Variants in FMN1 observed in about 807,000 individuals in gnomAD.
FMN1 encodes the protein formin 1, also known as formin-1.
Under a neutral mutation model 132.4 loss-of-function variants are expected in FMN1, and 110 were observed. That is an observed-to-expected ratio of 0.83 (90% CI 0.71 to 0.97). FMN1 has a LOEUF of 0.97. FMN1 is among the 50% of genes least tolerant of loss of function. The pLI is 0.00. For missense variants in FMN1, 1,792 were observed against 1,705.3 expected (o/e 1.05, Z -0.90); for synonymous variants, 722 against 651.7 (o/e 1.11, Z -1.64).
intron 17 of FMN1, among the ~76,000 whole-genome samples, chr15:32,854,679 G>A (rs1263617439): frequency 1.3e-5 from 2 of 152,104 alleles, no homozygotes; most frequent in Non-Finnish European, 2.9e-5. Context: ...TTGGGAGGCC[G>A]AGGCGGGTGG....
chr15:32,901,821 G>C, intron 13 of FMN1, 90 bp downstream of exon 13: 1 of 1,065,614 alleles, frequency 9.4e-7, no homozygotes, highest in Non-Finnish European at 1.3e-6. Context: ...AGTCCAAAAA[G>C]GTTTCTATAA....
intron 20 of FMN1, among the ~76,000 whole-genome samples, chr15:32,776,496 G>A (rs2056421882): frequency 6.6e-6 from 1 of 152,128 alleles, no homozygotes; most frequent in Non-Finnish European, 1.5e-5. Flanking sequence ...TGGGGAAAAG[G>A]AACTGAAGAG....
At chr15:33,172,298 A>G (rs1230566309) in intron 3 of FMN1, among the ~76,000 whole-genome samples, 1 of 152,220 alleles carries the variant, frequency 6.6e-6, no homozygotes, top group Admixed American at 6.5e-5. Flanking sequence ...GTAATTACTA[A>G]AGTACTAAGA....
At chr15:33,123,627 T>C (rs189241943) in intron 4 of FMN1, among the ~76,000 whole-genome samples, 46 of 152,328 alleles carry the variant, frequency 3.0e-4, no homozygotes, top group African/African-American at 1.0e-3. Flanking sequence ...GGGTTGTTGA[T>C]CAAACAGCTA....
In FMN1 at chr15:32,773,576, A is replaced by T. The variant is rs910734000; in HGVS notation, c.*734T>A. 3 of 152,334 alleles carry T rather than the reference A, an allele frequency of 2.0e-5. No homozygotes were observed. The highest frequency in any genetic ancestry group is 4.4e-5 in the Non-Finnish European group (3 of 68,074). 9.4% of individuals were successfully genotyped at this position (152,334 alleles called of 1,614,324 possible). The stretch of plus-strand genomic sequence containing the variant: ...CTCTGCTGGCCCAGAAAAACCACAA[A>T]GGACCGATGTAAAAACAAGAATGGG... On this transcript the variant is annotated 3_prime_UTR_variant, in exon 21 of 21. Transcript: ENST00000616417.
intron 9 of FMN1, 103 bp downstream of exon 9, chr15:32,964,004 G>A (rs2030903086): frequency 1.5e-5 from 8 of 540,284 alleles, no homozygotes; most frequent in Non-Finnish European, 2.4e-5. Flanking sequence ...ATGTGTGTGT[G>A]TGTATATACG....
Position 33,088,739 on chromosome 15 carries a change from T to A in FMN1, c.2043+60A>T, listed in dbSNP as rs2038794968. 9 of 1,376,288 alleles carry A rather than the reference T, an allele frequency of 6.5e-6. No homozygotes were observed. In the Admixed American group the frequency reaches 7.5e-5, roughly 11 times the overall value. 85.3% of individuals were successfully genotyped at this position (1,376,288 alleles called of 1,614,324 possible). On this transcript the variant is annotated intron_variant, in intron 5 of 20. Transcript: ENST00000616417. ...ATACACAATTTACATTAAATACATA[T>A]TAAATGAGCCTCTGTTGACCACAAA...
At chr15:32,904,132 AT>A (rs1350932584) in intron 12 of FMN1, among the ~76,000 whole-genome samples, 1 of 152,010 alleles carries the variant, frequency 6.6e-6, no homozygotes, top group Non-Finnish European at 1.5e-5. Context: ...TAAACCAACA[AT>A]TACTGTGGAG....
At chr15:32,847,905 C>T (rs193024907) in intron 17 of FMN1, among the ~76,000 whole-genome samples, 3 of 152,130 alleles carry the variant, frequency 2.0e-5, no homozygotes, top group African/African-American at 7.2e-5. Flanking sequence ...AATGCAAATA[C>T]CCACGGAAGA....
Position 32,874,272 on chromosome 15 carries a change from C to T in FMN1, c.3835+13900G>A, listed in dbSNP as rs188205115. Among the ~76,000 whole-genome samples, 128 of 152,046 alleles carry T rather than the reference C, an allele frequency of 8.4e-4. 2 individuals are homozygous for T. In the East Asian group the frequency reaches 0.018, roughly 21 times the overall value. Reference sequence around the variant, plus strand: ...TCCTGACCTCGTGATCTGCCTGCCTCGGCCTCCCAAAGTGCTGGGATTACA... The same window carrying T: ...TCCTGACCTCGTGATCTGCCTGCCTTGGCCTCCCAAAGTGCTGGGATTACA... On this transcript the variant is annotated intron_variant, in intron 16 of 20. Transcript: ENST00000616417.
chr15:32,793,145 C>G (rs953989890), intron 19 of FMN1, among the ~76,000 whole-genome samples: 4 of 152,130 alleles, frequency 2.6e-5, no homozygotes, highest in Non-Finnish European at 5.9e-5. Flanking sequence ...GTTTTTTAAA[C>G]CAATGATCCT....
At chr15:33,003,299 C>A (rs1005292422) in intron 7 of FMN1, among the ~76,000 whole-genome samples, 12 of 152,150 alleles carry the variant, frequency 7.9e-5, no homozygotes, top group South Asian at 2.1e-4. Context: ...ATCTAGAAAA[C>A]CCCATTGTCT....
In FMN1 at chr15:33,154,812, T is replaced by C; in HGVS notation, c.103A>G (p.Lys35Glu). 1 of 1,536,138 alleles carries C rather than the reference T, an allele frequency of 6.5e-7. No individual in the cohort carries two copies. The highest frequency in any genetic ancestry group is 8.7e-7 in the Non-Finnish European group (1 of 1,146,914). ...PKGEVRGFSY[K>E]GTVTLDRSNK... ...GATCTGTCTAGAGTTACAGTGCCCT[T>C]GTATGAAAATCCTCTGACTTCCCCC... The change falls in exon 4 of 21, where the codon AAG becomes GAG. Residue 35 changes from lysine (K) to glutamate (E), a missense_variant. This residue lies in a region of FMN1 where 638 missense variants were observed against 645.2 expected (regional missense o/e 0.99). Coordinates refer to ENST00000616417, the MANE Select transcript of FMN1 (RefSeq NM_001277313.2).
intron 12 of FMN1, among the ~76,000 whole-genome samples, chr15:32,907,212 AC>A (rs1466489021): frequency 6.6e-6 from 1 of 152,042 alleles, no homozygotes; most frequent in East Asian, 1.9e-4. Context: ...TTACATTGTA[AC>A]ATACAATGAT....
At chr15:32,795,085 A>G (rs1595929468) in intron 19 of FMN1, among the ~76,000 whole-genome samples, 1 of 152,220 alleles carries the variant, frequency 6.6e-6, no homozygotes. Flanking sequence ...CTGTAGTCCC[A>G]GCTACTCAGT....
chr15:32,880,021 C>T (rs958194430), intron 16 of FMN1, among the ~76,000 whole-genome samples: 3 of 151,782 alleles, frequency 2.0e-5, no homozygotes, highest in Admixed American at 1.3e-4. Flanking sequence ...TTATTTGGTG[C>T]TTAGTAGTAT....
Position 33,012,836 on chromosome 15 carries a change from G to A in FMN1, c.2162-4761C>T, listed in dbSNP as rs115225803. 1,019 of 628,728 alleles carry A rather than the reference G, an allele frequency of 1.6e-3. 9 individuals are homozygous for A. In the African/African-American group the frequency reaches 0.017, roughly 10 times the overall value. The allele number at this position is 628,728 out of a possible 1,614,324, so 38.9% of individuals were successfully genotyped here. Reference sequence around the variant, plus strand: ...GGTGGTGGAGGATATGGTAGCAGTGGGGGTGGCTATAATGAATTTGGTAAT... The same window carrying A: ...GGTGGTGGAGGATATGGTAGCAGTGAGGGTGGCTATAATGAATTTGGTAAT... On this transcript the variant is annotated intron_variant, in intron 6 of 20. Coordinates refer to ENST00000616417, the MANE Select transcript of FMN1 (RefSeq NM_001277313.2).
At chr15:33,056,948 A>G (rs1010793315) in intron 6 of FMN1, among the ~76,000 whole-genome samples, 1 of 152,206 alleles carries the variant, frequency 6.6e-6, no homozygotes, top group Admixed American at 6.5e-5. Flanking sequence ...AGGCTGAGGC[A>G]GGCGATCACT....
intron 9 of FMN1, among the ~76,000 whole-genome samples, chr15:32,963,079 A>C (rs1311183670): frequency 6.8e-6 from 1 of 148,056 alleles, no homozygotes; most frequent in Non-Finnish European, 1.5e-5. Context: ...AATAGCAAAG[A>C]CTTGGAACCA....
Sources: gnomAD v4.1 joint callset for allele counts (sites outside exome capture counted in the v4.1 genomes callset) on GRCh38, gnomAD v4.1.1 for gene constraint, gnomAD v4.1.1 regional missense constraint, MANE v1.5 for transcripts, NCBI Gene and HGNC (gene_info 2026-07-23, HGNC 2026-07-21) for gene names.